Variants in FAM107B observed in about 807,000 individuals in gnomAD.
The protein encoded by FAM107B is family with sequence similarity 107 member B, also known as protein FAM107B.
A neutral mutation model predicts 31.5 loss-of-function variants in FAM107B; 21 were observed. That is an observed-to-expected ratio of 0.67 (90% confidence interval 0.47 to 0.96). The LOEUF is 0.96. Ranked by LOEUF, FAM107B falls within the 40% of genes least tolerant of loss-of-function variation. The pLI, the probability that FAM107B is intolerant of heterozygous loss-of-function variation, is 0.00. For missense variants in FAM107B, 452 were observed against 377.1 expected, an observed-to-expected ratio of 1.20 and a Z score of -1.64; for synonymous variants, 157 against 141.5, an observed-to-expected ratio of 1.11 and a Z score of -0.78.
At chr10:14,614,019 T>A (rs766814874) in intron 2 of FAM107B, among the ~76,000 whole-genome samples, 2 of 152,046 alleles carry the variant, frequency 1.3e-5, no homozygotes, top group Non-Finnish European at 2.9e-5. Flanking sequence ...TAGTCCCAGC[T>A]ACTCGGGAGG....
At chr10:14,726,052 G>A (rs1246109832) in intron 1 of FAM107B, among the ~76,000 whole-genome samples, 1 of 151,184 alleles carries the variant, frequency 6.6e-6, no homozygotes, top group Non-Finnish European at 1.5e-5. Flanking sequence ...AGAATGCAAT[G>A]GCGCGATCTC....
At chr10:14,743,446 G>T (rs1181980159) in intron 1 of FAM107B, among the ~76,000 whole-genome samples, 1 of 152,158 alleles carries the variant, frequency 6.6e-6, no homozygotes, top group Non-Finnish European at 1.5e-5. Context: ...GTCCTAAATG[G>T]TATTGCATAG....
intron 1 of FAM107B, among the ~76,000 whole-genome samples, chr10:14,743,271 G>A (rs1202558380): frequency 2.0e-5 from 3 of 152,018 alleles, no homozygotes; most frequent in African/African-American, 4.8e-5. Context: ...TTTGTCAGAT[G>A]GATAGATTGC....
At chr10:14,581,363 C>T (rs1483510770) in intron 2 of FAM107B, among the ~76,000 whole-genome samples, 1 of 152,194 alleles carries the variant, frequency 6.6e-6, no homozygotes, top group Non-Finnish European at 1.5e-5. Context: ...CGGTAGGGTG[C>T]CACGAGGGAA....
chr10:14,524,185 G>A (rs1320445002), intron 3 of FAM107B, among the ~76,000 whole-genome samples: 1 of 152,064 alleles, frequency 6.6e-6, no homozygotes, highest in African/African-American at 2.4e-5. Flanking sequence ...GGGATTACAG[G>A]TGCCCGCAAC....
At chr10:14,724,465 A>C (rs1227778351) in intron 1 of FAM107B, among the ~76,000 whole-genome samples, 1 of 152,236 alleles carries the variant, frequency 6.6e-6, no homozygotes, top group Non-Finnish European at 1.5e-5. Context: ...AATAGACTAG[A>C]AGACAGTCAC....
intron 1 of FAM107B, among the ~76,000 whole-genome samples, chr10:14,740,590 C>T (rs145028955): frequency 1.6e-4 from 24 of 152,150 alleles, no homozygotes; most frequent in Middle Eastern, 3.4e-3. Flanking sequence ...AACCCTAATG[C>T]GTATATGGGC....
chr10:14,620,778 C>G (rs796551742), intron 2 of FAM107B, among the ~76,000 whole-genome samples: 1 of 152,110 alleles, frequency 6.6e-6, no homozygotes, highest in African/African-American at 2.4e-5. Context: ...GAGAACATGC[C>G]GCATTTAACT....
In FAM107B at chr10:14,674,684, AGC is replaced by A. The variant is rs1258825989; in HGVS notation, c.412-6995_412-6994del. Among the ~76,000 whole-genome samples, 10 of 152,340 alleles carry A rather than the reference AGC, an allele frequency of 6.6e-5. No homozygotes were observed. In the East Asian group the frequency reaches 1.9e-3, roughly 29 times the overall value. ...ATTAGAAGCCAGGCCACCAGGTAGCAGCTACAGGTATGTTTTGTAAACTCCTT... is the reference window on the plus strand; with the variant it reads ...ATTAGAAGCCAGGCCACCAGGTAGCATACAGGTATGTTTTGTAAACTCCTT... On this transcript the variant is annotated intron_variant, in intron 1 of 4. Transcript: ENST00000181796.
At chr10:14,727,622 T>C (rs866050205) in intron 1 of FAM107B, among the ~76,000 whole-genome samples, 1 of 152,242 alleles carries the variant, frequency 6.6e-6, no homozygotes, top group Non-Finnish European at 1.5e-5. Flanking sequence ...TTCTGAGACA[T>C]GTGTTTTACA....
intron 1 of FAM107B, among the ~76,000 whole-genome samples, chr10:14,670,595 C>T (rs1179638080): frequency 6.6e-6 from 1 of 152,166 alleles, no homozygotes; most frequent in African/African-American, 2.4e-5. Context: ...AAGACTCTCC[C>T]CTTTGAGCCA....
chr10:14,624,043 G>A (rs1002687377), intron 2 of FAM107B, among the ~76,000 whole-genome samples: 1 of 152,084 alleles, frequency 6.6e-6, no homozygotes, highest in African/African-American at 2.4e-5. Context: ...TATATCAGTT[G>A]TGTCATCAGC....
intron 2 of FAM107B, among the ~76,000 whole-genome samples, chr10:14,593,457 C>T (rs2131347060): frequency 6.6e-6 from 1 of 152,158 alleles, no homozygotes; most frequent in South Asian, 2.1e-4. Context: ...GTGGGCGGAT[C>T]ACTTGAGGCC....
rs571316303 is a variant in FAM107B at position 14,662,201 on chromosome 10, C to A, written c.469+5433G>T. ...AAAATGGCACCTTGCAATAAAGAAC[C>A]TCACCTCACTTTTAAATAGACATAA... is the stretch of plus-strand genomic sequence containing the variant. On this transcript the variant is annotated intron_variant, in intron 2 of 4. Transcript: ENST00000181796. Among the ~76,000 whole-genome samples the A allele has an allele frequency of 6.6e-5, 10 of 152,198 alleles. No homozygotes were observed. The East Asian group carries it at 1.9e-3, about 29-fold the overall frequency.
At chr10:14,653,708 AG>A (rs1328968397) in intron 2 of FAM107B, 1 of 152,194 alleles carries the variant, frequency 6.6e-6, no homozygotes, top group African/African-American at 2.4e-5. Context: ...GCCCCTAAAA[AG>A]TATAGTATTA....
chr10:14,774,884 G>T lies in FAM107B; in HGVS notation c.-221C>A. 1.8e-6 allele frequency: 1 copy of T among 567,292 alleles called. No individual in the cohort carries two copies. The highest frequency in any genetic ancestry group is 3.1e-6 in the Non-Finnish European group (1 of 321,306). The allele number at this position is 567,292 out of a possible 1,614,324, so 35.1% of individuals were successfully genotyped here. A position where few individuals can be genotyped will look rare whatever the true frequency, so the allele number is the denominator to read the frequency against. On this transcript the variant is annotated 5_prime_UTR_variant, in exon 1 of 5. Transcript: ENST00000181796. ...AAGTGTCCATCCTGGGCAATTTCGC[G>T]CTCTTCCTTCTGTGATGCTGTCAGT...
chr10:14,548,238 TGGA>T (rs906614064), intron 2 of FAM107B, among the ~76,000 whole-genome samples: 22 of 152,046 alleles, frequency 1.4e-4, no homozygotes, highest in Admixed American at 7.9e-4. Flanking sequence ...GCTCCCTGCC[TGGA>T]GGAGAAGAGA....
intron 2 of FAM107B, among the ~76,000 whole-genome samples, chr10:14,577,685 C>G (rs796497241): frequency 6.6e-6 from 1 of 152,144 alleles, no homozygotes; most frequent in South Asian, 2.1e-4. Context: ...AAGTGCCAAG[C>G]CTTGAAACTC....
At chr10:14,740,747 A>G (rs767982410) in intron 1 of FAM107B, among the ~76,000 whole-genome samples, 3 of 152,124 alleles carry the variant, frequency 2.0e-5, no homozygotes, top group Non-Finnish European at 2.9e-5. Context: ...CCTTCCTTCA[A>G]TTTTCCTATA....
Sources: allele counts gnomAD v4.1 joint callset (sites outside exome capture counted in the v4.1 genomes callset), GRCh38; gene constraint gnomAD v4.1.1; transcripts MANE v1.5; gene names NCBI Gene and HGNC (gene_info 2026-07-23, HGNC 2026-07-21).